PAPPA2: variants seen among roughly 807,000 people sequenced by gnomAD.
The protein encoded by PAPPA2 is pappalysin 2, also known as pappalysin-2.
In PAPPA2, 86 loss-of-function variants were observed where a neutral mutation model predicts 176.4. That is an observed-to-expected ratio of 0.49 (90% CI 0.41 to 0.58). The LOEUF (loss-of-function observed/expected upper bound fraction) is 0.58. Ranked by LOEUF, PAPPA2 falls within the 20% of genes least tolerant of loss-of-function variation. The probability of loss-of-function intolerance (pLI) is 0.00; values close to 1 mark genes in which losing one functional copy is unlikely to be tolerated. For missense variants in PAPPA2, 2,073 were observed against 2,256.9 expected, an observed-to-expected ratio of 0.92 and a Z score of 1.65; for synonymous variants, 809 against 852.2, an observed-to-expected ratio of 0.95 and a Z score of 0.88.
intron 1 of PAPPA2, among the ~76,000 whole-genome samples, chr1:176,504,301 A>G (rs149231421): frequency 0.017 from 2,658 of 152,274 alleles, 38 homozygotes; most frequent in Middle Eastern, 0.041. Context: ...GTTTCAGAGA[A>G]ACATTTTCCT....
chr1:176,822,273 A>T (rs1666696392), intron 21 of PAPPA2, among the ~76,000 whole-genome samples: 1 of 152,072 alleles, frequency 6.6e-6, no homozygotes, highest in East Asian at 1.9e-4. Flanking sequence ...CTTGGCTCTG[A>T]TCTCTAAGGA....
At chr1:176,828,186 TC>T (rs1301595900) in intron 21 of PAPPA2, among the ~76,000 whole-genome samples, 1 of 152,164 alleles carries the variant, frequency 6.6e-6, no homozygotes, top group Non-Finnish European at 1.5e-5. Context: ...CACATTATCA[TC>T]AGACATATTC....
In PAPPA2 at chr1:176,702,505, T is replaced by G; in HGVS notation, c.3237-102T>G. On this transcript the variant is annotated intron_variant, in intron 8 of 22. Coordinates refer to ENST00000367662, the MANE Select transcript of PAPPA2 (RefSeq NM_020318.3). Reference sequence around the variant, plus strand: ...GCAGCGTATGTTTAACCTTTATGTTTCCCATAATATTTCCCTTCAACTTCT... The same window carrying G: ...GCAGCGTATGTTTAACCTTTATGTTGCCCATAATATTTCCCTTCAACTTCT... The G allele has an allele frequency of 2.7e-6, 4 of 1,494,958 alleles. No homozygotes were observed. In the Admixed American group the frequency reaches 8.2e-5, roughly 31 times the overall value. 92.6% of individuals were successfully genotyped at this position (1,494,958 alleles called of 1,614,324 possible).
chr1:176,587,575 G>A (rs914975667), intron 2 of PAPPA2, among the ~76,000 whole-genome samples: 3 of 152,122 alleles, frequency 2.0e-5, no homozygotes, highest in African/African-American at 7.2e-5. Context: ...GTTTTTGACA[G>A]GTTTGTTGAT....
intron 1 of PAPPA2, among the ~76,000 whole-genome samples, chr1:176,541,587 T>C (rs1345859303): frequency 1.3e-5 from 2 of 152,230 alleles, no homozygotes; most frequent in Admixed American, 1.3e-4. Flanking sequence ...TTTTCCTGCA[T>C]CCTGCTTGAC....
intron 12 of PAPPA2, among the ~76,000 whole-genome samples, chr1:176,718,869 T>C (rs546332623): frequency 2.8e-4 from 43 of 152,096 alleles, no homozygotes; most frequent in Non-Finnish European, 5.3e-4. Flanking sequence ...AATTGTTGGA[T>C]AAAGCATTCC....
At chr1:176,782,242 A>G (rs1205671765) in intron 17 of PAPPA2, among the ~76,000 whole-genome samples, 1 of 152,222 alleles carries the variant, frequency 6.6e-6, no homozygotes, top group Non-Finnish European at 1.5e-5. Flanking sequence ...ATAAACATTT[A>G]TACATTCATT....
chr1:176,674,057 A>G (rs1220139616), intron 4 of PAPPA2, among the ~76,000 whole-genome samples: 1 of 152,118 alleles, frequency 6.6e-6, no homozygotes, highest in Non-Finnish European at 1.5e-5. Context: ...TCACATTCTC[A>G]GGGACACTGG....
intron 21 of PAPPA2, among the ~76,000 whole-genome samples, chr1:176,837,059 G>T (rs1667298514): frequency 6.6e-6 from 1 of 152,138 alleles, no homozygotes; most frequent in African/African-American, 2.4e-5. Context: ...ACAGGCAGAA[G>T]AAATTACGTT....
At chr1:176,833,058 C>T (rs1201706674) in intron 21 of PAPPA2, among the ~76,000 whole-genome samples, 1 of 152,306 alleles carries the variant, frequency 6.6e-6, no homozygotes, top group Non-Finnish European at 1.5e-5. Context: ...CACAAGTAGA[C>T]GCGCAGTCGG....
chr1:176,653,366 T>C (rs1657852514), intron 3 of PAPPA2, among the ~76,000 whole-genome samples: 1 of 151,726 alleles, frequency 6.6e-6, no homozygotes, highest in African/African-American at 2.4e-5. Flanking sequence ...CTTTCTTCCA[T>C]TTCATCCTCC....
At chr1:176,499,605 T>C (rs1233166455) in intron 1 of PAPPA2, among the ~76,000 whole-genome samples, 1 of 152,190 alleles carries the variant, frequency 6.6e-6, no homozygotes, top group African/African-American at 2.4e-5. Flanking sequence ...AGCCCAGATC[T>C]GGCTTCCAGC....
chr1:176,750,768 C>A (rs185891407), intron 14 of PAPPA2, among the ~76,000 whole-genome samples: 6 of 152,022 alleles, frequency 3.9e-5, no homozygotes, highest in Admixed American at 3.9e-4. Flanking sequence ...AATACATTTA[C>A]AATTTATTGA....
intron 21 of PAPPA2, among the ~76,000 whole-genome samples, chr1:176,807,110 C>G (rs1314212940): frequency 4.6e-5 from 7 of 152,154 alleles, no homozygotes; most frequent in Non-Finnish European, 4.4e-5. Context: ...GCACAAGTAC[C>G]TACTGTGTGA....
intron 1 of PAPPA2, among the ~76,000 whole-genome samples, chr1:176,505,437 A>C (rs1648202863): frequency 6.6e-6 from 1 of 152,090 alleles, no homozygotes; most frequent in Non-Finnish European, 1.5e-5. Context: ...AACAGGCAGC[A>C]CAGGACTGTG....
At chr1:176,568,794 A>G (rs1173150958) in intron 2 of PAPPA2, among the ~76,000 whole-genome samples, 1 of 152,178 alleles carries the variant, frequency 6.6e-6, no homozygotes, top group East Asian at 1.9e-4. Context: ...AACCAAACTA[A>G]AGCTAAGTTT....
intron 14 of PAPPA2, among the ~76,000 whole-genome samples, chr1:176,747,074 T>C (rs1662944593): frequency 6.6e-6 from 1 of 152,218 alleles, no homozygotes; most frequent in Non-Finnish European, 1.5e-5. Context: ...AAGTAACTTG[T>C]TTCTGGGAAG....
intron 1 of PAPPA2, among the ~76,000 whole-genome samples, chr1:176,542,490 C>T (rs1483852140): frequency 3.9e-5 from 6 of 152,202 alleles, no homozygotes; most frequent in Non-Finnish European, 8.8e-5. Flanking sequence ...GGCTGTCAGA[C>T]AGCCTGTGCT....
At chr1:176,625,174 A>T (rs991934013) in intron 3 of PAPPA2, among the ~76,000 whole-genome samples, 9 of 152,200 alleles carry the variant, frequency 5.9e-5, no homozygotes, top group African/African-American at 1.9e-4. Context: ...GACCCACTGG[A>T]CACTGAGTCT....
Sources: gnomAD v4.1 joint callset for allele counts (sites outside exome capture counted in the v4.1 genomes callset) on GRCh38, gnomAD v4.1.1 for gene constraint, MANE v1.5 for transcripts, NCBI Gene and HGNC (gene_info 2026-07-23, HGNC 2026-07-21) for gene names.